ZDHHC11: variants seen among roughly 807,000 people sequenced by gnomAD.
ZDHHC11 encodes the protein palmitoyltransferase ZDHHC11.
Under a neutral mutation model 51.3 loss-of-function variants are expected in ZDHHC11, and 44 were observed. The ratio of observed to expected loss-of-function variants is 0.86; its 90% CI spans 0.67 to 1.10. The LOEUF is 1.10. Among genes scored for constraint, ZDHHC11 ranks in the 50% least tolerant of loss-of-function variants. The pLI, the probability that ZDHHC11 is intolerant of heterozygous loss-of-function variation, is 0.00. For missense variants in ZDHHC11, 400 were observed against 537.7 expected, an observed-to-expected ratio of 0.74 and a Z score of 2.53; for synonymous variants, 163 against 222.0, an observed-to-expected ratio of 0.73 and a Z score of 2.36.
intron 11 of ZDHHC11, among the ~76,000 whole-genome samples, chr5:804,254 C>T (rs550661534): frequency 7.3e-5 from 11 of 151,226 alleles, no homozygotes; most frequent in African/African-American, 2.2e-4. Flanking sequence ...GCTCTGCCCA[C>T]CCAGGACATG....
At chr5:820,990 G>A (rs1433386518) in intron 9 of ZDHHC11, among the ~76,000 whole-genome samples, 4 of 151,336 alleles carry the variant, frequency 2.6e-5, no homozygotes. Flanking sequence ...GGGGAAAGGT[G>A]CAATATTTAA....
chr5:804,145 AG>A (rs1439068285), intron 11 of ZDHHC11, among the ~76,000 whole-genome samples: 1 of 151,344 alleles, frequency 6.6e-6, no homozygotes, highest in Non-Finnish European at 1.5e-5. Flanking sequence ...GGGTAACCAC[AG>A]TCCAATAATA....
chr5:846,662 C>G (rs1746226999), intron 3 of ZDHHC11, among the ~76,000 whole-genome samples: 1 of 147,604 alleles, frequency 6.8e-6, no homozygotes, highest in Non-Finnish European at 1.5e-5. Context: ...GGAAATACCT[C>G]TCGCCTGTGA....
intron 3 of ZDHHC11, among the ~76,000 whole-genome samples, chr5:844,774 AGCCAAAAGCGATGTCCAT>A (rs1483109057): frequency 6.6e-6 from 1 of 152,300 alleles, no homozygotes; most frequent in Non-Finnish European, 1.5e-5. Context: ...TGCAAATCTG[AGCCAAAAGCGATGTCCAT>A]GCTGTAGACG....
intron 3 of ZDHHC11, among the ~76,000 whole-genome samples, chr5:845,355 G>A (rs982814839): frequency 1.3e-5 from 2 of 152,372 alleles, no homozygotes; most frequent in Admixed American, 6.5e-5. Flanking sequence ...TCTTCATCCA[G>A]GAAAGAAGGC....
At chr5:815,710 C>G (rs1740698850) in intron 10 of ZDHHC11, among the ~76,000 whole-genome samples, 1 of 151,636 alleles carries the variant, frequency 6.6e-6, no homozygotes, top group African/African-American at 2.4e-5. Flanking sequence ...CATCATCTTT[C>G]ATCCCCATCA....
At chr5:813,274 C>G (rs56337345) in intron 11 of ZDHHC11, among the ~76,000 whole-genome samples, 1,603 of 141,416 alleles carry the variant, frequency 0.011, 185 homozygotes, top group Admixed American at 0.018. Flanking sequence ...GTTGTAGTGA[C>G]CTGAGATTGT....
rs1342628511 is a variant in ZDHHC11 at position 825,153 on chromosome 5, C to T, written c.1023+11G>A. Reference sequence around the variant, plus strand: ...TGACCTCGGGGTGCATCGCTGGTGACTGCAACTTACCCGTGCCGTCGAATC... The same window carrying T: ...TGACCTCGGGGTGCATCGCTGGTGATTGCAACTTACCCGTGCCGTCGAATC... On this transcript the variant is annotated intron_variant, in intron 8 of 12. Transcript: ENST00000283441. The T allele has an allele frequency of 1.2e-6, 2 of 1,609,480 alleles. No homozygotes were observed. Among genetic ancestry groups the T allele is most frequent in the African/African-American group, 2.7e-5 (2 of 74,738 alleles).
chr5:823,039 G>A (rs28464166), intron 8 of ZDHHC11, among the ~76,000 whole-genome samples: 9,607 of 136,620 alleles, frequency 0.07, 534 homozygotes, highest in East Asian at 0.18. Flanking sequence ...TATTCTGGAT[G>A]AAAGCATATG....
At chr5:827,745 A>ATT (rs568074946) in intron 7 of ZDHHC11, among the ~76,000 whole-genome samples, 2 of 144,666 alleles carry the variant, frequency 1.4e-5, no homozygotes, top group Non-Finnish European at 1.5e-5. Flanking sequence ...TTTATTCTTT[A>ATT]TTTTTTTTTT....
chr5:822,323 G>A lies in ZDHHC11; in HGVS notation c.1024-428C>T, dbSNP rs186551847. Among the ~76,000 whole-genome samples, 3 of 151,482 alleles carry A rather than the reference G, an allele frequency of 2.0e-5. 1 individual carries two copies. Among genetic ancestry groups the A allele is most frequent in the Non-Finnish European group, 1.5e-5 (1 of 67,704 alleles). On this transcript the variant is annotated intron_variant, in intron 8 of 12. Transcript: ENST00000283441. ...AACAGGTGGCCATCTACAAGGCAAG[G>A]AGAGAGGCCTTGGGAGAAACCAACC...
Position 812,686 on chromosome 5 carries a change from C to T in ZDHHC11, c.1181+2075G>A, listed in dbSNP as rs368203. On this transcript the variant is annotated intron_variant, in intron 11 of 12. Coordinates refer to ENST00000283441, the MANE Select transcript of ZDHHC11 (RefSeq NM_024786.3). Reference sequence around the variant, plus strand: ...AATGCCCTTTGACTTTTAAGTGTTCCACAGAAACAAAACAATATTGTCAGT... The same window carrying T: ...AATGCCCTTTGACTTTTAAGTGTTCTACAGAAACAAAACAATATTGTCAGT... Among the ~76,000 whole-genome samples the T allele has an allele frequency of 1.7e-4, 26 of 149,500 alleles. 1 individual carries two copies. Among genetic ancestry groups the T allele is most frequent in the South Asian group, 4.2e-4 (2 of 4,766 alleles).
chr5:818,225 G>C (rs2150326921), intron 10 of ZDHHC11, among the ~76,000 whole-genome samples: 1 of 151,398 alleles, frequency 6.6e-6, no homozygotes, highest in African/African-American at 2.4e-5. Flanking sequence ...CCGGCAGCAG[G>C]TGTGCATGTG....
In ZDHHC11 at chr5:806,628, C is replaced by G. The variant is rs190179676; in HGVS notation, c.1182-5464G>C. The stretch of plus-strand genomic sequence containing the variant: ...ATGGACAGACTCTATCTGTAATTCA[C>G]CCAACTGACAAAAGGTTTGTATAAA... On this transcript the variant is annotated intron_variant, in intron 11 of 12. Transcript: ENST00000283441. Among the ~76,000 whole-genome samples, 4 of 151,344 alleles carry G rather than the reference C, an allele frequency of 2.6e-5. No individual in the cohort carries two copies. The East Asian group carries it at 7.7e-4, about 29-fold the overall frequency.
Position 850,927 on chromosome 5 carries a change from T to A in ZDHHC11, c.-325A>T. On this transcript the variant is annotated 5_prime_UTR_variant, in exon 1 of 13. Coordinates refer to ENST00000283441, the MANE Select transcript of ZDHHC11 (RefSeq NM_024786.3). ...GCCCATCAGTTCCCCTGAGGATTTG[T>A]TACGTTCTGGGGAGTGCTCGACAGC... 2.3e-6 allele frequency: 1 copy of A among 441,068 alleles called. No individual in the cohort carries two copies. The highest frequency in any genetic ancestry group is 4.0e-6 in the Non-Finnish European group (1 of 250,934). The allele number at this position is 441,068 out of a possible 1,614,324, so 27.3% of individuals were successfully genotyped here. A position where few individuals can be genotyped will look rare whatever the true frequency, so the allele number is the denominator to read the frequency against.
chr5:825,215 G>T lies in ZDHHC11; in HGVS notation c.972C>A (p.His324Gln), dbSNP rs749174286. The T allele has an allele frequency of 1.9e-6, 3 of 1,612,860 alleles. No individual in the cohort carries two copies. The highest frequency in any genetic ancestry group is 2.5e-6 in the Non-Finnish European group (3 of 1,179,192). ...KAKSSLLIHK[H>Q]LCHFCTSVNQ... Reference sequence around the variant, plus strand: ...TTACTGAAGTGCAGAAGTGACATAAGTGCTTGTGAATCAGCAGGGAGCTCT... The same window carrying T: ...TTACTGAAGTGCAGAAGTGACATAATTGCTTGTGAATCAGCAGGGAGCTCT... The change falls in exon 8 of 13, where the codon CAC becomes CAA. Residue 324 changes from histidine to glutamine, a missense_variant. Coordinates refer to ENST00000283441, the MANE Select transcript of ZDHHC11 (RefSeq NM_024786.3).
intron 4 of ZDHHC11, chr5:841,921 T>C (rs557371796): frequency 2.0e-6 from 2 of 989,176 alleles, no homozygotes; most frequent in African/African-American, 1.7e-5. Flanking sequence ...GGGGCCATCC[T>C]AGAAGGCAAA....
At chr5:816,710 T>C (rs1740849336) in intron 10 of ZDHHC11, 1 of 578,120 alleles carries the variant, frequency 1.7e-6, no homozygotes, top group South Asian at 1.5e-5. Context: ...ATTCTGACTA[T>C]TTAGACCTCA....
At chr5:798,181 G>C (rs1737859304) in intron 12 of ZDHHC11, among the ~76,000 whole-genome samples, 1 of 150,808 alleles carries the variant, frequency 6.6e-6, no homozygotes, top group Non-Finnish European at 1.5e-5. Flanking sequence ...TTGCCATTTT[G>C]GCTGTGCTCT....
Sources: allele counts gnomAD v4.1 joint callset (sites outside exome capture counted in the v4.1 genomes callset), GRCh38; gene constraint gnomAD v4.1.1; transcripts MANE v1.5; gene names NCBI Gene and HGNC (gene_info 2026-07-23, HGNC 2026-07-21).